MPIG6B: variants seen among roughly 807,000 people sequenced by gnomAD.
MPIG6B encodes the protein megakaryocyte and platelet inhibitory receptor G6b, also known as immunoglobulin receptor.
A neutral mutation model predicts 24.2 loss-of-function variants in MPIG6B; 22 were observed. The ratio of observed to expected loss-of-function variants is 0.91; its 90% confidence interval spans 0.65 to 1.30. The LOEUF is 1.30. Among genes scored for constraint, MPIG6B ranks in the 50% most tolerant of loss-of-function variants. The pLI is 0.00. For synonymous variants in MPIG6B, 136 were observed against 142.0 expected (o/e 0.96, Z 0.30); for missense variants, 301 against 318.5 (o/e 0.94, Z 0.42).
Position 31,723,412 on chromosome 6 carries a change from T to A in MPIG6B, c.29T>A (p.Leu10Gln). The A allele has an allele frequency of 6.2e-7, 1 of 1,612,924 alleles. No individual in the cohort carries two copies. Among genetic ancestry groups the A allele is most frequent in the Non-Finnish European group, 8.5e-7 (1 of 1,179,934 alleles). The stretch of plus-strand genomic sequence containing the variant: ...GCTGTGTTTCTGCAGCTGCTACCGC[T>A]GCTGCTCTCGAGGGCCCAAGGGAAC... MAVFLQLLP[L>Q]LLSRAQGNPG... The change falls in exon 1 of 6, where the codon CTG becomes CAG. Residue 10 changes from leucine (L) to glutamine (Q), a missense_variant. Coordinates refer to ENST00000649779, the MANE Select transcript of MPIG6B (RefSeq NM_138272.3). This position sits in a 1 kb window ranked among gnomAD's most constrained non-coding sequence, Gnocchi z 4.3.
At chr6:31,721,813 C>T (rs1806809867), upstream of MPIG6B, 1 of 855,982 alleles carries the variant, frequency 1.2e-6, no homozygotes, top group Non-Finnish European at 1.9e-6. Flanking sequence ...CTCTGGTAGC[C>T]CCTCCCTTCT....
Position 31,724,185 on chromosome 6 carries a change from G to A in MPIG6B, c.453G>A (p.Gly151=), listed in dbSNP as rs559558055. The change falls in exon 3 of 6, where the codon GGG becomes GGA. Residue 151 remains glycine (G), a synonymous_variant. Coordinates refer to ENST00000649779, the MANE Select transcript of MPIG6B (RefSeq NM_138272.3). ...PQLLIPLLGA[G]LVLGLGALGL... is the part of the protein sequence containing the mutation. Reference sequence around the variant, plus strand: ...TCCTGATCCCGCTGCTGGGCGCTGGGTTGGTGCTCGGACTGGGAGCTTTGG... The same window carrying A: ...TCCTGATCCCGCTGCTGGGCGCTGGATTGGTGCTCGGACTGGGAGCTTTGG... The A allele has an allele frequency of 2.0e-4, 327 of 1,613,390 alleles. 1 individual carries two copies. The South Asian group carries it at 3.2e-3, about 16-fold the overall frequency.
upstream of MPIG6B, chr6:31,721,636 C>T (rs1355720009): frequency 6.2e-7 from 1 of 1,613,712 alleles, no homozygotes; most frequent in African/African-American, 1.3e-5. Context: ...ACCTGAGACC[C>T]AGCAGAGCAG....
chr6:31,720,752 C>G (rs1468124163), upstream of MPIG6B, among the ~76,000 whole-genome samples: 1 of 152,144 alleles, frequency 6.6e-6, no homozygotes, highest in Non-Finnish European at 1.5e-5. The surrounding 1 kb of genome is among the most constrained non-coding windows in gnomAD (Gnocchi z 4.9). Flanking sequence ...GAATAGAATC[C>G]TCTCACCCCA....
At position 31,723,494 on chromosome 6, in the gene MPIG6B, G is replaced by A; in HGVS notation, c.61+50G>A. The A allele has an allele frequency of 6.4e-7, 1 of 1,553,752 alleles. No individual in the cohort carries two copies. On this transcript the variant is annotated intron_variant, in intron 1 of 5. Coordinates refer to ENST00000649779, the MANE Select transcript of MPIG6B (RefSeq NM_138272.3). This position sits in a 1 kb window ranked among gnomAD's most constrained non-coding sequence, Gnocchi z 4.3. ...GATAGACGCAGAGGGGCTGAAGCAA[G>A]ATAAGGGCCGCCTAGTAGGGTGGGT...
At chr6:31,721,609 G>T, upstream of MPIG6B, 1 of 1,613,104 alleles carries the variant, frequency 6.2e-7, no homozygotes, top group East Asian at 2.2e-5. Context: ...CCAGGTCTTT[G>T]GGGCCCCCAG....
chr6:31,724,461 G>A, intron 3 of MPIG6B, 126 bp from the exon 4 acceptor site: 1 of 877,454 alleles, frequency 1.1e-6, no homozygotes, highest in Non-Finnish European at 1.9e-6. Flanking sequence ...GACTGTCGGT[G>A]GGGTAGAGTC....
At position 31,725,183 on chromosome 6, in the gene MPIG6B, A is replaced by G; in HGVS notation, c.*109A>G. ...AAGAGGAAGGCACCATGGTATAGAA[A>G]TAAGTGCTAGACTGGGAGTTGGGAG... On this transcript the variant is annotated 3_prime_UTR_variant, in exon 6 of 6. Transcript: ENST00000649779. This position sits in a 1 kb window ranked among gnomAD's most constrained non-coding sequence, Gnocchi z 5.2. 1 of 779,548 alleles carries G rather than the reference A, an allele frequency of 1.3e-6. No individual in the cohort carries two copies. The highest frequency in any genetic ancestry group is 2.1e-6 in the Non-Finnish European group (1 of 470,436). The allele number at this position is 779,548 out of a possible 1,614,324, so 48.3% of individuals were successfully genotyped here.
At position 31,723,747 on chromosome 6, in the gene MPIG6B, C is replaced by T; in HGVS notation, c.170C>T (p.Ser57Phe). 1 of 1,613,716 alleles carries T rather than the reference C, an allele frequency of 6.2e-7. No individual in the cohort carries two copies. Among genetic ancestry groups the T allele is most frequent in the Non-Finnish European group, 8.5e-7 (1 of 1,180,016 alleles). Residue 57 changes from serine to phenylalanine, a missense_variant, in exon 2 of 6, where the codon TCC (serine) becomes TTC (phenylalanine). Ser to Phe is a radical substitution (Grantham distance 155). Transcript: ENST00000649779. The surrounding 1 kb of genome is among the most constrained non-coding windows in gnomAD (Gnocchi z 4.3). ...AGCTTCCCGGCCTGCAAGGGCCTGTCCAAAGGACGCCGACCGATCCTGTGG... is the reference window on the plus strand; with the variant it reads ...AGCTTCCCGGCCTGCAAGGGCCTGTTCAAAGGACGCCGACCGATCCTGTGG... Reference protein sequence around the residue: ...APSFPACKGLSKGRRPILWAS... With the variant: ...APSFPACKGLFKGRRPILWAS...
At chr6:31,724,480 T>C (rs1807155942) in intron 3 of MPIG6B, 107 bp from the exon 4 acceptor site, 2 of 1,001,886 alleles carry the variant, frequency 2.0e-6, no homozygotes, top group African/African-American at 1.6e-5. Context: ...TCTAAGTTGT[T>C]TCCGGTCTGA....
In MPIG6B at chr6:31,723,685, A is replaced by T. The variant is rs747648141; in HGVS notation, c.108A>T (p.Gly36=). The T allele has an allele frequency of 1.5e-5, 24 of 1,602,900 alleles. No homozygotes were observed. Among genetic ancestry groups the T allele is most frequent in the Non-Finnish European group, 2.0e-5 (24 of 1,175,262 alleles). ...RPGDRVNLSC[G]GVSHPIRWVW... ...GGGACCGGGTGAATCTCTCCTGCGG[A>T]GGAGTCTCTCATCCCATCCGCTGGG... is the stretch of plus-strand genomic sequence containing the variant. Residue 36 remains glycine, a synonymous_variant, in exon 2 of 6, where the codon GGA becomes GGT. Transcript: ENST00000649779. The surrounding 1 kb of genome is among the most constrained non-coding windows in gnomAD (Gnocchi z 4.3).
chr6:31,721,328 T>C (rs1350636930), upstream of MPIG6B, among the ~76,000 whole-genome samples: 2 of 152,060 alleles, frequency 1.3e-5, no homozygotes, highest in Non-Finnish European at 2.9e-5. Flanking sequence ...GGGAACTGGA[T>C]ACCAGAGTTT....
rs749691617 is a variant in MPIG6B at position 31,723,886 on chromosome 6, G to C, written c.309G>C (p.Ser103=). Residue 103 remains serine (S), a synonymous_variant, in exon 2 of 6, where the codon TCG becomes TCC. Transcript: ENST00000649779. This position sits in a 1 kb window ranked among gnomAD's most constrained non-coding sequence, Gnocchi z 4.3. Reference sequence around the variant, plus strand: ...AGCTCCTCTTGAGCGCGGGGGACTCGGGCACTTTTTTCTGCAAGGGCCGCC... The same window carrying C: ...AGCTCCTCTTGAGCGCGGGGGACTCCGGCACTTTTTTCTGCAAGGGCCGCC... ...RLELLLSAGD[S]GTFFCKGRHE... is the part of the protein sequence containing the mutation. The C allele has an allele frequency of 1.2e-6, 2 of 1,608,500 alleles. No individual in the cohort carries two copies. The highest frequency in any genetic ancestry group is 2.2e-5 in the South Asian group (2 of 90,528).
Position 31,723,578 on chromosome 6 carries a change from G to C in MPIG6B, c.62-61G>C. On this transcript the variant is annotated intron_variant, in intron 1 of 5. Coordinates refer to ENST00000649779, the MANE Select transcript of MPIG6B (RefSeq NM_138272.3). This position sits in a 1 kb window ranked among gnomAD's most constrained non-coding sequence, Gnocchi z 4.3. ...AGAACAGAGAAGAGAAAGAGGAGAC[G>C]GGATGGAGGGTCGTCTTGCCCTGTG... 1 of 1,436,910 alleles carries C rather than the reference G, an allele frequency of 7.0e-7. No homozygotes were observed. Among genetic ancestry groups the C allele is most frequent in the Non-Finnish European group, 9.5e-7 (1 of 1,052,886 alleles). 89.0% of individuals were successfully genotyped at this position (1,436,910 alleles called of 1,614,324 possible). A position where few individuals can be genotyped will look rare whatever the true frequency, so the allele number is the denominator to read the frequency against.
In MPIG6B at chr6:31,723,927, G is replaced by C; in HGVS notation, c.350G>C (p.Arg117Pro). 1.3e-6 allele frequency: 2 copies of C among 1,583,574 alleles called. No homozygotes were observed. The highest frequency in any genetic ancestry group is 1.7e-6 in the Non-Finnish European group (2 of 1,164,000). The change falls in exon 2 of 6, where the codon CGT becomes CCT. Residue 117 changes from arginine to proline, a missense_variant. Arg to Pro is a moderately radical substitution (Grantham distance 103, BLOSUM62 -2). Coordinates refer to ENST00000649779, the MANE Select transcript of MPIG6B (RefSeq NM_138272.3). This position sits in a 1 kb window ranked among gnomAD's most constrained non-coding sequence, Gnocchi z 4.3. ...FCKGRHEDES[R>P]TVLHVLGDRT... ...AAGGGCCGCCACGAGGACGAGAGCCGTACAGTGCTTCACGTGCTGGGGGAC... is the reference window on the plus strand; with the variant it reads ...AAGGGCCGCCACGAGGACGAGAGCCCTACAGTGCTTCACGTGCTGGGGGAC...
chr6:31,721,360 G>C (rs977106480), upstream of MPIG6B, among the ~76,000 whole-genome samples: 60 of 152,280 alleles, frequency 3.9e-4, no homozygotes, highest in African/African-American at 1.4e-3. Flanking sequence ...ACACCTTGGA[G>C]TGGGGAACAG....
chr6:31,723,218 C>A (rs1806939672), upstream of MPIG6B: 3 of 664,694 alleles, frequency 4.5e-6, no homozygotes, highest in African/African-American at 5.4e-5. The surrounding 1 kb of genome is among the most constrained non-coding windows in gnomAD (Gnocchi z 4.3). Context: ...CCGAGTTTGC[C>A]TGCGAGGATT....
upstream of MPIG6B, chr6:31,721,556 G>A (rs1044168663): frequency 1.0e-5 from 15 of 1,440,774 alleles, no homozygotes; most frequent in Middle Eastern, 2.3e-4. Flanking sequence ...GGGTAGGGCC[G>A]GGAAGTGGGT....
chr6:31,725,761 G>C lies in MPIG6B; in HGVS notation c.*687G>C, dbSNP rs1807319523. On this transcript the variant is annotated 3_prime_UTR_variant, in exon 6 of 6. Coordinates refer to ENST00000649779, the MANE Select transcript of MPIG6B (RefSeq NM_138272.3). The surrounding 1 kb of genome is among the most constrained non-coding windows in gnomAD (Gnocchi z 5.2). ...TTCTTCTGGGACACTCTCATCAACA[G>C]TCAGTCCTCAGCCCCCTCCTCTGCA... 6.6e-6 allele frequency: 1 copy of C among 152,426 alleles called. No homozygotes were observed. The highest frequency in any genetic ancestry group is 1.5e-5 in the Non-Finnish European group (1 of 68,098). The allele number at this position is 152,426 out of a possible 1,614,324, so 9.4% of individuals were successfully genotyped here. A position where few individuals can be genotyped will look rare whatever the true frequency, so the allele number is the denominator to read the frequency against.
Sources: allele counts gnomAD v4.1 joint callset (sites outside exome capture counted in the v4.1 genomes callset), GRCh38; gene constraint gnomAD v4.1.1; non-coding constraint Gnocchi (gnomAD v3.1); transcripts MANE v1.5; gene names NCBI Gene and HGNC (gene_info 2026-07-23, HGNC 2026-07-21).